The following WDR88 variants were observed in gnomAD, a reference collection of about 807,000 sequenced individuals.
The protein encoded by WDR88 is WD repeat-containing protein 88.
A neutral mutation model predicts 46.8 loss-of-function variants in WDR88; 40 were observed. That is an observed-to-expected ratio of 0.86 (90% CI 0.66 to 1.11). The LOEUF (loss-of-function observed/expected upper bound fraction) is 1.11, where lower values mean the gene tolerates loss of function less well. Ranked by LOEUF, WDR88 falls within the 50% of genes most tolerant of loss-of-function variation. WDR88 has a pLI of 0.00. For synonymous variants in WDR88, 235 were observed against 240.7 expected (o/e 0.98, Z 0.22); for missense variants, 562 against 602.4 (o/e 0.93, Z 0.70).
At chr19:33,174,263 G>C (rs1343285750) in intron 10 of WDR88, 2 of 1,535,436 alleles carry the variant, frequency 1.3e-6, no homozygotes, top group Admixed American at 3.9e-5. Flanking sequence ...AACATGAGAA[G>C]CCTGAGGCCA....
At chr19:33,148,717 G>T in intron 4 of WDR88, 55 bp from the exon 5 acceptor site, 1 of 1,611,550 alleles carries the variant, frequency 6.2e-7, no homozygotes, top group Non-Finnish European at 8.5e-7. Flanking sequence ...GGGTTTACAG[G>T]TGTAACACAC....
intron 10 of WDR88, chr19:33,174,594 C>T (rs1347246036): frequency 5.1e-6 from 5 of 983,408 alleles, no homozygotes; most frequent in East Asian, 1.1e-4. Context: ...GGGCACCTAG[C>T]ACCTGCATCA....
At chr19:33,148,695 T>A (rs1973569456) in intron 4 of WDR88, 77 bp from the exon 5 acceptor site, 17 of 1,578,246 alleles carry the variant, frequency 1.1e-5, no homozygotes, top group Non-Finnish European at 1.5e-5. Flanking sequence ...AGCCTTGGCC[T>A]CCCAAAGCAC....
Position 33,135,062 on chromosome 19 carries a change from G to GC in WDR88, c.277-2615_277-2614insC, listed in dbSNP as rs905136819. Among the ~76,000 whole-genome samples the GC allele has an allele frequency of 9.5e-4, 144 of 151,584 alleles. 3 individuals carry two copies. The highest frequency in any genetic ancestry group is 3.4e-3 in the African/African-American group (141 of 41,232). On this transcript the variant is annotated intron_variant, in intron 1 of 10. Transcript: ENST00000355868. ...GCGAGCTGGGGTGGGTGGGTGGGGG[G>GC]GGTGACATCTTCAGGCTTCCCTGCT...
At chr19:33,136,056 AT>A (rs34431041) in intron 1 of WDR88, among the ~76,000 whole-genome samples, 31,256 of 135,946 alleles carry the variant, frequency 0.23, 4,121 homozygotes, top group South Asian at 0.41. Context: ...CACTCGGCTA[AT>A]TTTTTTTTTT....
At chr19:33,142,577 G>A (rs575022941) in intron 2 of WDR88, among the ~76,000 whole-genome samples, 6 of 152,034 alleles carry the variant, frequency 3.9e-5, no homozygotes, top group South Asian at 4.2e-4. Flanking sequence ...TGTGGGGACC[G>A]AGGGCCTCTC....
At chr19:33,167,812 G>T (rs921212625) in intron 9 of WDR88, among the ~76,000 whole-genome samples, 1 of 148,524 alleles carries the variant, frequency 6.7e-6, no homozygotes, top group Admixed American at 6.8e-5. Context: ...TCTTTCTAGG[G>T]TCTCATTCTG....
intron 2 of WDR88, among the ~76,000 whole-genome samples, chr19:33,138,118 C>T (rs1400809979): frequency 6.6e-6 from 1 of 151,764 alleles, no homozygotes; most frequent in East Asian, 1.9e-4. Flanking sequence ...CTCACTGCAA[C>T]CTCCGCCTCC....
chr19:33,149,737 C>T (rs1011931902), intron 5 of WDR88, among the ~76,000 whole-genome samples: 2 of 151,872 alleles, frequency 1.3e-5, no homozygotes, highest in African/African-American at 4.8e-5. Context: ...CGGGTCACCT[C>T]AACCTCCACT....
chr19:33,160,821 G>A (rs1973852934), intron 8 of WDR88, among the ~76,000 whole-genome samples: 1 of 152,128 alleles, frequency 6.6e-6, no homozygotes, highest in African/African-American at 2.4e-5. Context: ...GGCAGTCCAG[G>A]CAGATGGAAC....
chr19:33,151,200 C>T lies in WDR88; in HGVS notation c.699C>T (p.Ile233=), dbSNP rs563710774. 6.2e-7 allele frequency: 1 copy of T among 1,613,720 alleles called. No homozygotes were observed. The highest frequency in any genetic ancestry group is 1.1e-5 in the South Asian group (1 of 90,912). The change falls in exon 6 of 11, where the codon ATC becomes ATT. Residue 233 remains isoleucine, a synonymous_variant. Transcript: ENST00000355868. ...SVIKDHHTRS[I]TSCCFDPDSQ... ...CTGCAGATCATCACACAAGGTCCAT[C>T]ACGTCATGCTGCTTTGACCCCGACA...
intron 5 of WDR88, 22 bp downstream of exon 5, chr19:33,148,932 G>C: frequency 6.2e-7 from 1 of 1,613,634 alleles, no homozygotes; most frequent in Non-Finnish European, 8.5e-7. Flanking sequence ...CGGGCTCCCT[G>C]TATCTTCAGT....
intron 2 of WDR88, chr19:33,142,851 CAAAAAAAAAAAAAA>C (rs74174644): frequency 5.1e-5 from 1 of 19,532 alleles, no homozygotes; most frequent in Non-Finnish European, 7.5e-5. Context: ...ACTAAAAATA[CAAAAAAAAAAAAAA>C]AAAAAAAAAA....
At chr19:33,159,341 A>G (rs1240295992) in intron 7 of WDR88, among the ~76,000 whole-genome samples, 1 of 90,682 alleles carries the variant, frequency 1.1e-5, no homozygotes, top group Non-Finnish European at 1.8e-5. Context: ...TCTAAAAATA[A>G]ATAAATAAAT....
At chr19:33,151,488 G>A (rs553300131) in intron 6 of WDR88, among the ~76,000 whole-genome samples, 178 bp downstream of exon 6, 1 of 152,260 alleles carries the variant, frequency 6.6e-6, no homozygotes, top group Non-Finnish European at 1.5e-5. Context: ...CCTGTGGGCT[G>A]GGCTGGGCCT....
Position 33,144,858 on chromosome 19 carries a change from T to C in WDR88, c.402T>C (p.Gly134=), listed in dbSNP as rs757740824. 1 of 1,613,670 alleles carries C rather than the reference T, an allele frequency of 6.2e-7. No homozygotes were observed. Among genetic ancestry groups the C allele is most frequent in the Admixed American group, 1.7e-5 (1 of 59,930 alleles). ...CTVKLWDPVD[G]SVVRDFEHRP... ...GTTGATTTGAGGATCCGGTGGACGG[T>C]TCTGTGGTTCGCGATTTTGAGCACA... The change falls in exon 3 of 11, where the codon GGT becomes GGC. Residue 134 remains glycine, a synonymous_variant. Coordinates refer to ENST00000355868, the MANE Select transcript of WDR88 (RefSeq NM_173479.4).
chr19:33,134,847 C>G (rs1020397214), intron 1 of WDR88, among the ~76,000 whole-genome samples: 8 of 136,938 alleles, frequency 5.8e-5, no homozygotes, highest in East Asian at 2.5e-4. Context: ...GACACCCCCC[C>G]CCCCGCCCCG....
At chr19:33,144,151 G>T (rs1427654575) in intron 2 of WDR88, among the ~76,000 whole-genome samples, 1 of 152,130 alleles carries the variant, frequency 6.6e-6, no homozygotes, top group Non-Finnish European at 1.5e-5. Context: ...AGTTGGCCCC[G>T]GCCCGCCCAG....
chr19:33,147,829 A>T, intron 4 of WDR88, 121 bp downstream of exon 4: 1 of 819,938 alleles, frequency 1.2e-6, no homozygotes, highest in Non-Finnish European at 1.9e-6. Flanking sequence ...TCTAGGAAGG[A>T]GGCATGTTCC....
Sources: gnomAD v4.1 joint callset for allele counts (sites outside exome capture counted in the v4.1 genomes callset) on GRCh38, gnomAD v4.1.1 for gene constraint, MANE v1.5 for transcripts, NCBI Gene and HGNC (gene_info 2026-07-23, HGNC 2026-07-21) for gene names.